Variants in PPP1R14C observed in about 807,000 individuals in gnomAD.
The protein encoded by PPP1R14C is protein phosphatase 1 regulatory subunit 14C.
A neutral mutation model predicts 20.4 loss-of-function variants in PPP1R14C; 16 were observed. The ratio of observed to expected loss-of-function variants is 0.78; its 90% CI spans 0.53 to 1.19. PPP1R14C has a LOEUF of 1.19. PPP1R14C is among the 50% of genes most tolerant of loss of function. The pLI is 0.00. For missense variants in PPP1R14C, 211 were observed against 220.1 expected, an observed-to-expected ratio of 0.96 and a Z score of 0.26; for synonymous variants, 91 against 91.0, an observed-to-expected ratio of 1.00 and a Z score of 0.00.
chr6:150,148,258 C>A (rs541721673), intron 1 of PPP1R14C, among the ~76,000 whole-genome samples: 1 of 152,246 alleles, frequency 6.6e-6, no homozygotes, highest in Admixed American at 6.5e-5. Context: ...ACTCTGAGAC[C>A]CCCATTTTGT....
At chr6:150,151,071 G>A (rs1420665173) in intron 1 of PPP1R14C, among the ~76,000 whole-genome samples, 3 of 150,964 alleles carry the variant, frequency 2.0e-5, no homozygotes, top group Non-Finnish European at 2.9e-5. Flanking sequence ...TCACTCCTGC[G>A]TGCTGTTTTT....
At chr6:150,177,569 C>T (rs949395699) in intron 1 of PPP1R14C, among the ~76,000 whole-genome samples, 1 of 152,190 alleles carries the variant, frequency 6.6e-6, no homozygotes, top group Non-Finnish European at 1.5e-5. Context: ...TCCTTTCCCC[C>T]CTCAGTCCCT....
chr6:150,242,772 T>C (rs542764214), intron 3 of PPP1R14C, among the ~76,000 whole-genome samples: 1 of 152,292 alleles, frequency 6.6e-6, no homozygotes, highest in African/African-American at 2.4e-5. Flanking sequence ...TTTTTATTGA[T>C]AGACAATGTG....
At chr6:150,177,787 T>A (rs1361709373) in intron 1 of PPP1R14C, among the ~76,000 whole-genome samples, 1 of 152,118 alleles carries the variant, frequency 6.6e-6, no homozygotes, top group East Asian at 1.9e-4. Flanking sequence ...GAGTGGGACC[T>A]GGGCCGCTTT....
chr6:150,149,203 C>A (rs6928991), intron 1 of PPP1R14C, among the ~76,000 whole-genome samples: 54,155 of 151,956 alleles, frequency 0.36, 10,897 homozygotes, highest in East Asian at 0.73. Flanking sequence ...CTTTGAAGTG[C>A]GATGAACCTG....
chr6:150,179,829 C>G (rs1006310494), intron 1 of PPP1R14C, among the ~76,000 whole-genome samples: 7 of 152,154 alleles, frequency 4.6e-5, no homozygotes, highest in African/African-American at 1.7e-4. Context: ...AGGCAAGTTA[C>G]TTAGACTCTG....
At position 150,250,174 on chromosome 6, in the gene PPP1R14C, T is replaced by A. The variant is rs1778548275; in HGVS notation, c.*1354T>A. ...ACCATAAGATGTCTTCAGGTGGCCT[T>A]GTCCAAGGATGGGGGTCAGGCATTT... On this transcript the variant is annotated 3_prime_UTR_variant, in exon 4 of 4. Transcript: ENST00000361131. The A allele has an allele frequency of 6.6e-6, 1 of 152,486 alleles. No individual in the cohort carries two copies. The highest frequency in any genetic ancestry group is 2.1e-4 in the South Asian group (1 of 4,824). 9.4% of individuals were successfully genotyped at this position (152,486 alleles called of 1,614,324 possible).
chr6:150,239,483 C>G (rs1778406709), intron 3 of PPP1R14C, among the ~76,000 whole-genome samples: 1 of 151,930 alleles, frequency 6.6e-6, no homozygotes, highest in African/African-American at 2.4e-5. Flanking sequence ...ACCCACAGTC[C>G]AAAGAAGAAA....
At chr6:150,152,910 C>T (rs1004762941) in intron 1 of PPP1R14C, among the ~76,000 whole-genome samples, 4 of 152,124 alleles carry the variant, frequency 2.6e-5, no homozygotes, top group East Asian at 1.9e-4. Context: ...GGGAGGACTT[C>T]GTGGAGGTCA....
At chr6:150,202,319 G>A (rs1777888665) in intron 1 of PPP1R14C, among the ~76,000 whole-genome samples, 2 of 152,214 alleles carry the variant, frequency 1.3e-5, no homozygotes, top group Non-Finnish European at 2.9e-5. Context: ...TCCCACGGAA[G>A]AGGCACTGCC....
Position 150,222,594 on chromosome 6 carries a change from G to A in PPP1R14C, c.423+5738G>A, listed in dbSNP as rs901271795. Among the ~76,000 whole-genome samples the A allele has an allele frequency of 3.9e-5, 6 of 151,960 alleles. No homozygotes were observed. In the East Asian group the frequency reaches 1.2e-3, roughly 29 times the overall value. On this transcript the variant is annotated intron_variant, in intron 3 of 3. Transcript: ENST00000361131. ...TGTCACTGCCCTAACAATCCTCCGT[G>A]CTCTGCCTGTTCATCTCTCCTTCCC...
chr6:150,247,397 T>A lies in PPP1R14C; in HGVS notation c.424-1349T>A, dbSNP rs567864084. Among the ~76,000 whole-genome samples, 6 of 152,266 alleles carry A rather than the reference T, an allele frequency of 3.9e-5. No individual in the cohort carries two copies. The East Asian group carries it at 1.2e-3, about 29-fold the overall frequency. On this transcript the variant is annotated intron_variant, in intron 3 of 3. Transcript: ENST00000361131. ...TACCTAATAAATATGACTTATCTGG[T>A]GGCCAAACATTTTAAAACAGGAGGC...
chr6:150,245,203 A>C (rs572759225), intron 3 of PPP1R14C, among the ~76,000 whole-genome samples: 22 of 152,068 alleles, frequency 1.4e-4, no homozygotes, highest in Non-Finnish European at 2.5e-4. Flanking sequence ...GGGTCTACCC[A>C]CTTGTTTCCA....
intron 1 of PPP1R14C, among the ~76,000 whole-genome samples, chr6:150,150,966 C>T (rs568999185): frequency 4.7e-4 from 71 of 152,200 alleles, no homozygotes; most frequent in Non-Finnish European, 8.2e-4. Flanking sequence ...TGGGTTTTTC[C>T]TCTTTTGCCT....
rs114660877 is a variant in PPP1R14C at position 150,153,678 on chromosome 6, G to C, written c.306+10180G>C. Among the ~76,000 whole-genome samples the C allele has an allele frequency of 3.4e-3, 515 of 152,292 alleles. 4 individuals are homozygous for C. The highest frequency in any genetic ancestry group is 0.012 in the African/African-American group (499 of 41,566). On this transcript the variant is annotated intron_variant, in intron 1 of 3. Transcript: ENST00000361131. ...ATACATTCTCACTAGGTTTTTCTTA[G>C]TCAGCACTGGCATTTTGGAAATCTG...
chr6:150,216,084 A>G (rs1041075569), intron 2 of PPP1R14C, among the ~76,000 whole-genome samples: 1 of 152,260 alleles, frequency 6.6e-6, no homozygotes, highest in Non-Finnish European at 1.5e-5. Context: ...GTGGAAGGCC[A>G]TCCTGGATTT....
intron 3 of PPP1R14C, among the ~76,000 whole-genome samples, chr6:150,244,237 C>T (rs1778467082): frequency 6.6e-6 from 1 of 151,714 alleles, no homozygotes; most frequent in African/African-American, 2.4e-5. Context: ...CTTCTCTCAT[C>T]TAAGACACAC....
chr6:150,228,463 G>A (rs1778255360), intron 3 of PPP1R14C, among the ~76,000 whole-genome samples: 3 of 152,174 alleles, frequency 2.0e-5, no homozygotes, highest in Admixed American at 1.3e-4. Context: ...TCCTCCCTGT[G>A]GAATGGACAG....
intron 1 of PPP1R14C, among the ~76,000 whole-genome samples, chr6:150,155,044 A>ATGG (rs1777291083): frequency 1.3e-5 from 2 of 152,144 alleles, no homozygotes; most frequent in South Asian, 4.1e-4. Context: ...TAATTAACTA[A>ATGG]TGGTGGTATT....
Sources: allele counts gnomAD v4.1 joint callset (sites outside exome capture counted in the v4.1 genomes callset), GRCh38; gene constraint gnomAD v4.1.1; transcripts MANE v1.5; gene names NCBI Gene and HGNC (gene_info 2026-07-23, HGNC 2026-07-21).